The following PIN4 variants were observed in gnomAD, a reference collection of about 807,000 sequenced individuals.
PIN4 encodes peptidylprolyl cis/trans isomerase, NIMA-interacting 4.
Under a neutral mutation model 8.3 loss-of-function variants are expected in PIN4, and 3 were observed. The ratio of observed to expected loss-of-function variants is 0.36; its 90% confidence interval spans 0.16 to 0.93. The LOEUF is 0.93. Among genes scored for constraint, PIN4 ranks in the 40% least tolerant of loss-of-function variants. The pLI, the probability that PIN4 is intolerant of heterozygous loss-of-function variation, is 0.44. For synonymous variants in PIN4, 18 were observed against 32.5 expected (o/e 0.55, Z 1.52); for missense variants, 75 against 100.6 (o/e 0.75, Z 1.09).
chrX:72,206,509 T>C lies in PIN4; in HGVS notation c.312+9605T>C, dbSNP rs369492714. On this transcript the variant is annotated intron_variant, in intron 3 of 3. Transcript: ENST00000423432. The stretch of plus-strand genomic sequence containing the variant: ...ATGAGTACTTAGAAGAGGTGAAGGC[T>C]GAGGCTGTGGTTTATTCAATTTAGG... The C allele has an allele frequency of 7.1e-5, 86 of 1,209,872 alleles. No individual in the cohort carries two copies. Among genetic ancestry groups the C allele is most frequent in the Non-Finnish European group, 8.7e-5 (78 of 895,285 alleles).
At chrX:72,189,703 A>T (rs1041762555) in intron 2 of PIN4, among the ~76,000 whole-genome samples, 1 of 111,639 alleles carries the variant, frequency 9.0e-6, no homozygotes, top group Non-Finnish European at 1.9e-5. Context: ...GGGATGCTCA[A>T]CTGGTAAGTT....
chrX:72,226,520 C>T (rs942005508), intron 3 of PIN4, among the ~76,000 whole-genome samples: 2 of 112,037 alleles, frequency 1.8e-5, no homozygotes, highest in East Asian at 2.8e-4. Flanking sequence ...TTGGAGCGAG[C>T]GGGGCTATGT....
chrX:72,191,367 A>C (rs1391221474), intron 2 of PIN4, among the ~76,000 whole-genome samples: 2 of 110,490 alleles, frequency 1.8e-5, no homozygotes. Flanking sequence ...CCTGGCCAAC[A>C]TGGTGACACC....
At chrX:72,261,505 G>A (rs1332990272) in intron 3 of PIN4, among the ~76,000 whole-genome samples, 7 of 111,255 alleles carry the variant, frequency 6.3e-5, no homozygotes, top group African/African-American at 2.3e-4. Flanking sequence ...TAGCGAATGC[G>A]ACTTTCGGTA....
At chrX:72,231,994 G>A (rs758626672) in intron 3 of PIN4, among the ~76,000 whole-genome samples, 94 of 107,409 alleles carry the variant, frequency 8.8e-4, no homozygotes, top group Non-Finnish European at 1.6e-3. Flanking sequence ...CAGAAAGATC[G>A]TTTGAGTCCA....
chrX:72,199,307 G>T (rs1362565416), downstream of PIN4, among the ~76,000 whole-genome samples: 1 of 111,601 alleles, frequency 9.0e-6, no homozygotes, highest in African/African-American at 3.3e-5. Context: ...GGCTGATGCA[G>T]GTGGATCACT....
chrX:72,211,363 T>A, intron 3 of PIN4, among the ~76,000 whole-genome samples: 1 of 110,910 alleles, frequency 9.0e-6, no homozygotes, highest in Non-Finnish European at 1.9e-5. Context: ...AGGAGAAGAA[T>A]AGTGCTAGAG....
rs1187894853 is a variant in PIN4 at position 72,236,923 on chromosome X, C to A, written c.313-25784C>A. On this transcript the variant is annotated intron_variant, in intron 3 of 3. Transcript: ENST00000423432. ...GTAAGTGTATCTGTAGAAGAAAATACTACAAGTCTTAGCTTCAAAAGTAAA... is the reference window on the plus strand; with the variant it reads ...GTAAGTGTATCTGTAGAAGAAAATAATACAAGTCTTAGCTTCAAAAGTAAA... 2.7e-5 allele frequency among the ~76,000 whole-genome samples: 3 copies of A among 112,426 alleles called. No individual in the cohort carries two copies. In the East Asian group the frequency reaches 8.4e-4, roughly 31 times the overall value.
intron 2 of PIN4, among the ~76,000 whole-genome samples, chrX:72,189,983 A>C (rs1291999504): frequency 9.1e-6 from 1 of 110,345 alleles, no homozygotes; most frequent in African/African-American, 3.3e-5. Context: ...TTTTGTCGCT[A>C]TAAGCTCTGC....
intron 3 of PIN4, among the ~76,000 whole-genome samples, chrX:72,250,076 C>G (rs2043080844): frequency 9.2e-6 from 1 of 108,770 alleles, no homozygotes; most frequent in African/African-American, 3.4e-5. Context: ...CCCTCTCAGC[C>G]TCCTGTGTTC....
intron 3 of PIN4, among the ~76,000 whole-genome samples, chrX:72,247,115 A>T (rs2043069869): frequency 8.9e-6 from 1 of 111,860 alleles, no homozygotes. Context: ...ATCCAAAGAC[A>T]TAATGAGGAC....
rs1416695288 is a variant in PIN4 at position 72,192,176 on chromosome X, T to G, written c.118-4609T>G. On this transcript the variant is annotated intron_variant, in intron 2 of 3. Transcript: ENST00000373669. ...CCATGTTGGCCAGGCTGGTCTCCAA[T>G]TCCTCACCTCAGGTGATCCGCCCAC... 2.7e-5 allele frequency among the ~76,000 whole-genome samples: 3 copies of G among 111,167 alleles called. No individual in the cohort carries two copies. In the Admixed American group the frequency reaches 2.9e-4, roughly 11 times the overall value.
At chrX:72,236,181 T>TG (rs1188595243) in intron 3 of PIN4, among the ~76,000 whole-genome samples, 2 of 112,390 alleles carry the variant, frequency 1.8e-5, no homozygotes, top group Non-Finnish European at 3.8e-5. Flanking sequence ...CTGCTGGGCA[T>TG]GGTGGCTCAC....
chrX:72,238,983 C>A (rs1179892447), intron 3 of PIN4: 4 of 1,025,526 alleles, frequency 3.9e-6, no homozygotes, highest in African/African-American at 1.9e-5. Flanking sequence ...GAGCTTGGAG[C>A]TTAGAGTTTG....
exon 4 of PIN4, chrX:72,262,925 G>T: frequency 2.4e-6 from 1 of 415,028 alleles, no homozygotes; most frequent in Non-Finnish European, 4.1e-6. Context: ...TTTTGTTTTT[G>T]TTTTCAGAAA....
At chrX:72,185,154 A>AAAAAAAC (rs1556391300) in intron 1 of PIN4, among the ~76,000 whole-genome samples, 1 of 103,216 alleles carries the variant, frequency 9.7e-6, no homozygotes, top group African/African-American at 3.5e-5. Flanking sequence ...TCTCAAAAAA[A>AAAAAAAC]AAAAAAAAAA....
intron 3 of PIN4, among the ~76,000 whole-genome samples, chrX:72,235,876 G>A (rs1006837735): frequency 1.8e-5 from 2 of 111,742 alleles, no homozygotes; most frequent in East Asian, 2.8e-4. Flanking sequence ...CTTACCATAC[G>A]AAGGCTATGG....
intron 3 of PIN4, among the ~76,000 whole-genome samples, chrX:72,224,906 C>A (rs1477819887): frequency 9.0e-6 from 1 of 111,259 alleles, no homozygotes; most frequent in Admixed American, 9.6e-5. Flanking sequence ...TCACCTCAAC[C>A]CTAATGGATT....
intron 3 of PIN4, among the ~76,000 whole-genome samples, chrX:72,212,278 T>TAAC (rs1213254762): frequency 2.8e-5 from 3 of 107,982 alleles, no homozygotes; most frequent in Non-Finnish European, 5.7e-5. Context: ...TCAAAAAAAA[T>TAAC]AATAATAATA....
Sources: gnomAD v4.1 joint callset for allele counts (sites outside exome capture counted in the v4.1 genomes callset) on GRCh38, gnomAD v4.1.1 for gene constraint, MANE v1.5 for transcripts, NCBI Gene and HGNC (gene_info 2026-07-23, HGNC 2026-07-21) for gene names.